The following METTL21A variants were observed in gnomAD, a reference collection of about 807,000 sequenced individuals.
The protein encoded by METTL21A is protein N-lysine methyltransferase METTL21A.
Under a neutral mutation model 20.9 loss-of-function variants are expected in METTL21A, and 22 were observed. That is an observed-to-expected ratio of 1.05 (90% CI 0.75 to 1.50). The LOEUF is 1.50. Among genes scored for constraint, METTL21A ranks in the 40% most tolerant of loss-of-function variants. The probability of loss-of-function intolerance (pLI) is 0.00; values close to 1 mark genes in which losing one functional copy is unlikely to be tolerated. For synonymous variants in METTL21A, 93 were observed against 102.0 expected, an observed-to-expected ratio of 0.91 and a Z score of 0.53; for missense variants, 271 against 266.8, an observed-to-expected ratio of 1.02 and a Z score of -0.11.
intron 3 of METTL21A, among the ~76,000 whole-genome samples, chr2:207,613,740 T>C (rs925801609): frequency 2.6e-5 from 4 of 152,218 alleles, no homozygotes; most frequent in African/African-American, 9.6e-5. Flanking sequence ...TCCCAGCACT[T>C]TGGGAGGCCA....
chr2:207,596,486 T>C (rs1173257919), intron 3 of METTL21A, among the ~76,000 whole-genome samples: 2 of 152,244 alleles, frequency 1.3e-5, no homozygotes, highest in African/African-American at 4.8e-5. Context: ...CAGGCTGGAG[T>C]GCAGTGGCGC....
chr2:207,624,583 C>G (rs188256702), intron 1 of METTL21A, 179 bp from the exon 2 acceptor site: 139 of 506,336 alleles, frequency 2.7e-4, no homozygotes, highest in Non-Finnish European at 3.9e-4. Context: ...AGATTTGGCT[C>G]GGAATTTGTG....
At chr2:207,609,614 C>T (rs1044712516), downstream of METTL21A, 1 of 152,124 alleles carries the variant, frequency 6.6e-6, no homozygotes, top group Admixed American at 6.6e-5. Context: ...AGGAAGCTAA[C>T]CTCTCAGGCA....
At chr2:207,595,025 C>T (rs1451225339) in intron 3 of METTL21A, among the ~76,000 whole-genome samples, 3 of 134,214 alleles carry the variant, frequency 2.2e-5, no homozygotes, top group Non-Finnish European at 1.5e-5. Flanking sequence ...GAGATGGAGG[C>T]TCGCTCTGTT....
intron 3 of METTL21A, chr2:207,600,623 C>G (rs1370412517): frequency 1.9e-5 from 4 of 211,912 alleles, no homozygotes; most frequent in Non-Finnish European, 2.9e-5. Context: ...CAAAAATCAT[C>G]CTGGGGGAGG....
At chr2:207,591,321 G>C (rs1269115930) in intron 3 of METTL21A, among the ~76,000 whole-genome samples, 1 of 152,144 alleles carries the variant, frequency 6.6e-6, no homozygotes, top group East Asian at 1.9e-4. Flanking sequence ...TCTTCTTAGA[G>C]GATAGACCTC....
At chr2:207,590,020 C>T (rs1021782048) in intron 3 of METTL21A, among the ~76,000 whole-genome samples, 3 of 147,660 alleles carry the variant, frequency 2.0e-5, no homozygotes, top group South Asian at 2.1e-4. Flanking sequence ...TTATTTAAGC[C>T]TTATATGGTT....
Position 207,621,813 on chromosome 2 carries a change from G to A in METTL21A, c.252C>T (p.Ala84=), listed in dbSNP as rs1575157069. The A allele has an allele frequency of 2.5e-6, 4 of 1,613,908 alleles. No individual in the cohort carries two copies. In the East Asian group the frequency reaches 8.9e-5, roughly 36 times the overall value. The change falls in exon 3 of 4, where the codon GCC becomes GCT. Residue 84 remains alanine, a synonymous_variant. Transcript: ENST00000406927. ...TCAATGCATGACACTCACCCAGCAG[G>A]GCAGCCACTATGCCCACCAGCCCCG...
At chr2:207,606,427 A>AG (rs1359889428), downstream of METTL21A, among the ~76,000 whole-genome samples, 1 of 152,214 alleles carries the variant, frequency 6.6e-6, no homozygotes, top group Non-Finnish European at 1.5e-5. Flanking sequence ...GGTTGCAGTG[A>AG]GCCGAGATTG....
At chr2:207,591,123 TTA>T (rs2084952933) in intron 3 of METTL21A, among the ~76,000 whole-genome samples, 1 of 152,194 alleles carries the variant, frequency 6.6e-6, no homozygotes, top group Admixed American at 6.5e-5. Flanking sequence ...GTGTAGTTGA[TTA>T]TGTCATTCAG....
chr2:207,584,264 T>A (rs1429236326), intron 3 of METTL21A, among the ~76,000 whole-genome samples: 1 of 152,266 alleles, frequency 6.6e-6, no homozygotes, highest in Non-Finnish European at 1.5e-5. Context: ...TACCATTTTA[T>A]ATTCCCACCA....
At chr2:207,596,178 T>G (rs866623600) in intron 3 of METTL21A, among the ~76,000 whole-genome samples, 3 of 152,232 alleles carry the variant, frequency 2.0e-5, no homozygotes, top group Non-Finnish European at 2.9e-5. Flanking sequence ...CTCACTCTTT[T>G]GCATGTGGAT....
chr2:207,604,665 T>C (rs1575084228), downstream of METTL21A, among the ~76,000 whole-genome samples: 1 of 152,238 alleles, frequency 6.6e-6, no homozygotes, highest in Admixed American at 6.5e-5. Context: ...TCCACAATGG[T>C]GTACAACCAC....
At chr2:207,606,768 T>C (rs2088179582), downstream of METTL21A, among the ~76,000 whole-genome samples, 1 of 152,196 alleles carries the variant, frequency 6.6e-6, no homozygotes. Context: ...TTAACAGTAC[T>C]GGGGTACATT....
intron 3 of METTL21A, among the ~76,000 whole-genome samples, chr2:207,619,192 ATCT>A (rs2090175052): frequency 7.6e-6 from 1 of 130,838 alleles, no homozygotes; most frequent in African/African-American, 2.9e-5. Context: ...TTTTTTTTTA[ATCT>A]TCTTTCTTTA....
At chr2:207,590,334 C>G (rs1429984774) in intron 3 of METTL21A, among the ~76,000 whole-genome samples, 1 of 151,680 alleles carries the variant, frequency 6.6e-6, no homozygotes, top group Non-Finnish European at 1.5e-5. Context: ...TATTCGCCAC[C>G]CCTACCCCAG....
downstream of METTL21A, among the ~76,000 whole-genome samples, chr2:207,605,820 G>A (rs540371516): frequency 6.6e-4 from 100 of 152,194 alleles, no homozygotes; most frequent in Non-Finnish European, 1.0e-3. Flanking sequence ...ATACTGAGAA[G>A]TAAAAGTTAT....
intron 3 of METTL21A, chr2:207,599,869 A>G (rs1418326997): frequency 5.1e-6 from 1 of 195,590 alleles, no homozygotes; most frequent in Non-Finnish European, 1.1e-5. Flanking sequence ...TAAAAATGTC[A>G]TCATAGGAAT....
intron 3 of METTL21A, among the ~76,000 whole-genome samples, chr2:207,594,759 G>A (rs989075200): frequency 6.2e-4 from 94 of 152,162 alleles, no homozygotes; most frequent in Non-Finnish European, 9.9e-4. Context: ...TGGATCATAT[G>A]GTAAATTTTG....
Sources: gnomAD v4.1 joint callset for allele counts (sites outside exome capture counted in the v4.1 genomes callset) on GRCh38, gnomAD v4.1.1 for gene constraint, MANE v1.5 for transcripts, NCBI Gene and HGNC (gene_info 2026-07-23, HGNC 2026-07-21) for gene names.